The following SAMMSON variants were observed in gnomAD, a reference collection of about 807,000 sequenced individuals.
SAMMSON encodes the protein survival associated mitochondrial melanoma specific oncogenic non-coding RNA, also known as long intergenic non-protein coding RNA 1212.
intron 4 of SAMMSON, chr3:70,137,469 G>T (rs576121176): frequency 6.6e-6 from 1 of 152,090 alleles, no homozygotes; most frequent in Admixed American, 6.5e-5. Flanking sequence ...AAATCACAGT[G>T]TCCATACAAA....
chr3:70,378,999 ATTT>A (rs1703043492), intron 9 of SAMMSON, among the ~76,000 whole-genome samples: 2 of 149,164 alleles, frequency 1.3e-5, no homozygotes, highest in Non-Finnish European at 1.5e-5. Context: ...TTATTTATTT[ATTT>A]ATTTATTTAT....
At chr3:70,089,849 G>C (rs111398756) in intron 4 of SAMMSON, among the ~76,000 whole-genome samples, 1 of 152,128 alleles carries the variant, frequency 6.6e-6, no homozygotes, top group Non-Finnish European at 1.5e-5. Flanking sequence ...CAGGTAGAGT[G>C]TGGGAGTCTG....
intron 7 of SAMMSON, among the ~76,000 whole-genome samples, chr3:70,304,346 C>T (rs534877446): frequency 6.6e-6 from 1 of 152,202 alleles, no homozygotes; most frequent in Non-Finnish European, 1.5e-5. Flanking sequence ...AATCTCAAGA[C>T]TTCTCTTGTC....
chr3:70,317,644 G>A lies in SAMMSON; in HGVS notation n.739+26401G>A, dbSNP rs567235299. On this transcript the variant is annotated intron_variant and non_coding_transcript_variant, in intron 7 of 9. Transcript: ENST00000642114. The stretch of plus-strand genomic sequence containing the variant: ...TGTATATATATATATGGATATACAC[G>A]CGTGTATAGAAACACACTGTTCACT... Among the ~76,000 whole-genome samples the A allele has an allele frequency of 9.9e-5, 15 of 151,060 alleles. No individual in the cohort carries two copies. In the East Asian group the frequency reaches 1.2e-3, roughly 12 times the overall value.
chr3:70,169,574 T>A (rs2067653217), intron 4 of SAMMSON, among the ~76,000 whole-genome samples: 1 of 151,952 alleles, frequency 6.6e-6, no homozygotes, highest in African/African-American at 2.4e-5. Context: ...CGAAGGTTCC[T>A]TGCTTTCAAA....
intron 9 of SAMMSON, among the ~76,000 whole-genome samples, chr3:70,379,002 T>C (rs569503458): frequency 3.1e-4 from 46 of 150,068 alleles, no homozygotes; most frequent in Non-Finnish European, 5.8e-4. Context: ...TTTATTTATT[T>C]ATTTATTTAT....
chr3:70,268,424 G>C (rs1701943493), intron 6 of SAMMSON, among the ~76,000 whole-genome samples: 1 of 139,036 alleles, frequency 7.2e-6, no homozygotes. Context: ...GCAGTGAGCA[G>C]AGATCGCATC....
intron 2 of SAMMSON, among the ~76,000 whole-genome samples, chr3:70,434,305 A>G (rs1026698125): frequency 1.5e-4 from 23 of 152,206 alleles, no homozygotes; most frequent in Admixed American, 6.5e-4. Context: ...TATTTCCTTC[A>G]TCAAAGTTTT....
intron 3 of SAMMSON, among the ~76,000 whole-genome samples, chr3:70,023,478 C>G (rs759884797): frequency 5.9e-5 from 9 of 151,326 alleles, no homozygotes; most frequent in Non-Finnish European, 1.3e-4. Flanking sequence ...AAAAAAGTTT[C>G]TTTATTTCTT....
At chr3:70,154,397 C>T (rs2067583785) in intron 4 of SAMMSON, among the ~76,000 whole-genome samples, 1 of 152,018 alleles carries the variant, frequency 6.6e-6, no homozygotes, top group Non-Finnish European at 1.5e-5. Context: ...AAGTAAGTGG[C>T]ATAGCCAAGT....
chr3:70,003,348 A>T (rs922390016), intron 1 of SAMMSON, among the ~76,000 whole-genome samples: 1 of 151,970 alleles, frequency 6.6e-6, no homozygotes, highest in African/African-American at 2.4e-5. Flanking sequence ...AATTATTGAT[A>T]TATTACAGAG....
At chr3:70,081,495 C>G (rs1302611439) in intron 4 of SAMMSON, among the ~76,000 whole-genome samples, 2 of 152,298 alleles carry the variant, frequency 1.3e-5, no homozygotes, top group East Asian at 3.9e-4. Flanking sequence ...ACTGTAAGCT[C>G]CATGAAGACA....
chr3:70,346,953 A>T (rs1702756100), intron 7 of SAMMSON, among the ~76,000 whole-genome samples: 1 of 152,194 alleles, frequency 6.6e-6, no homozygotes, highest in Non-Finnish European at 1.5e-5. Context: ...AATGAAACTG[A>T]TTCTAAACCA....
chr3:70,321,057 G>C (rs1034740262), intron 7 of SAMMSON, among the ~76,000 whole-genome samples: 14 of 152,032 alleles, frequency 9.2e-5, no homozygotes, highest in African/African-American at 3.4e-4. Flanking sequence ...TGTTTATTAT[G>C]AGTGATTTTT....
chr3:70,023,843 G>A (rs1237154327), intron 3 of SAMMSON, among the ~76,000 whole-genome samples: 1 of 152,186 alleles, frequency 6.6e-6, no homozygotes, highest in African/African-American at 2.4e-5. Flanking sequence ...TGGACTGCAA[G>A]CCATAGTTTG....
At position 70,138,073 on chromosome 3, in the gene SAMMSON, C is replaced by T. The variant is rs994436092; in HGVS notation, n.507+66508C>T. The stretch of plus-strand genomic sequence containing the variant: ...GGAATTGCTGAATAAAAGACGTGCA[C>T]TATTAATTTTAATAGATACAAGAAA... On this transcript the variant is annotated intron_variant and non_coding_transcript_variant, in intron 4 of 9. Transcript: ENST00000642114. Among the ~76,000 whole-genome samples the T allele has an allele frequency of 2.0e-5, 3 of 152,224 alleles. No homozygotes were observed. In the East Asian group the frequency reaches 5.8e-4, roughly 29 times the overall value.
At chr3:70,089,519 A>C (rs879372279) in intron 4 of SAMMSON, among the ~76,000 whole-genome samples, 1 of 89,500 alleles carries the variant, frequency 1.1e-5, no homozygotes, top group Non-Finnish European at 2.0e-5. Context: ...AACATCGTGC[A>C]TTTTTTAGGC....
At chr3:70,073,832 C>T (rs191093746) in intron 4 of SAMMSON, among the ~76,000 whole-genome samples, 1 of 152,148 alleles carries the variant, frequency 6.6e-6, no homozygotes, top group Admixed American at 6.5e-5. Context: ...CTGGCTCTGC[C>T]ATCAACTAGC....
chr3:70,212,611 G>C (rs1189670861), intron 4 of SAMMSON, among the ~76,000 whole-genome samples: 1 of 152,020 alleles, frequency 6.6e-6, no homozygotes, highest in Non-Finnish European at 1.5e-5. Flanking sequence ...TTTTTCAGCA[G>C]TCATTGGCTC....
Sources: gnomAD v4.1 joint callset for allele counts (sites outside exome capture counted in the v4.1 genomes callset) on GRCh38, gnomAD v4.1.1 for gene constraint, MANE v1.5 for transcripts, NCBI Gene and HGNC (gene_info 2026-07-23, HGNC 2026-07-21) for gene names.